Variants in BCL9L observed in about 807,000 individuals in gnomAD.
BCL9L encodes the protein B-cell CLL/lymphoma 9-like protein.
BCL9L carries 19 observed loss-of-function variants against 99.4 expected under a neutral mutation model. The ratio of observed to expected loss-of-function variants is 0.19; its 90% CI spans 0.13 to 0.28. The LOEUF (loss-of-function observed/expected upper bound fraction) is 0.28, where lower values mean the gene tolerates loss of function less well. Ranked by LOEUF, BCL9L falls within the 10% of genes least tolerant of loss-of-function variation. The pLI is 1.00. For synonymous variants in BCL9L, 900 were observed against 854.8 expected (o/e 1.05, Z -0.92); for missense variants, 2,023 against 2,101.6 (o/e 0.96, Z 0.73).
intron 5 of BCL9L, among the ~76,000 whole-genome samples, chr11:118,904,892 G>A (rs1042114090): frequency 2.0e-5 from 3 of 152,148 alleles, no homozygotes; most frequent in Admixed American, 6.5e-5. Flanking sequence ...AGAAATTTGC[G>A]GGGGAGCTTG....
chr11:118,899,527 AG>A lies in BCL9L; in HGVS notation c.3407-20del, dbSNP rs1338577859. On this transcript the variant is annotated intron_variant, in intron 9 of 9. Coordinates refer to ENST00000683865, the MANE Select transcript of BCL9L (RefSeq NM_001378213.1). ...CTGATCCCTGTAGGGAATAGAAGAC[AG>A]GGGGTCAGGCACGGTGTGCCCAGCT... 2.5e-6 allele frequency: 4 copies of A among 1,604,330 alleles called. No individual in the cohort carries two copies. In the East Asian group the frequency reaches 6.7e-5, roughly 27 times the overall value.
Position 118,902,871 on chromosome 11 carries a change from A to C in BCL9L, c.872T>G (p.Leu291Arg). Residue 291 changes from leucine to arginine, a missense_variant, in exon 8 of 10, where the codon CTG becomes CGG. By Grantham distance (102) the Leu-to-Arg change is moderately radical. Coordinates refer to ENST00000683865, the MANE Select transcript of BCL9L (RefSeq NM_001378213.1). The surrounding 1 kb of genome is among the most constrained non-coding windows in gnomAD (Gnocchi z 7.8). The stretch of plus-strand genomic sequence containing the variant: ...CGGGGTGCCTGCTGACGGCGTGCTC[A>C]GGGGTAGCGGTTCTGGGGTGGGGGG... ...KVPPTPEPLPLSTPSAGTPQS... is the reference protein window; with the variant it reads ...KVPPTPEPLPRSTPSAGTPQS... 6.4e-7 allele frequency: 1 copy of C among 1,556,844 alleles called. No homozygotes were observed.
At chr11:118,910,580 G>A (rs894465866) in intron 2 of BCL9L, 35 of 152,512 alleles carry the variant, frequency 2.3e-4, no homozygotes, top group Non-Finnish European at 4.8e-4. Context: ...CTCCCCGACC[G>A]CAAGAATGCA....
At chr11:118,899,824 A>C in intron 9 of BCL9L, 93 bp downstream of exon 9, 1 of 1,471,478 alleles carries the variant, frequency 6.8e-7, no homozygotes, top group East Asian at 2.5e-5. Flanking sequence ...GGGCCTTCAG[A>C]GGCACAAAAA....
In BCL9L at chr11:118,898,348, G is replaced by C; in HGVS notation, c.*67C>G. 1 of 1,367,996 alleles carries C rather than the reference G, an allele frequency of 7.3e-7. No individual in the cohort carries two copies. Among genetic ancestry groups the C allele is most frequent in the Non-Finnish European group, 9.7e-7 (1 of 1,028,648 alleles). 84.7% of individuals were successfully genotyped at this position (1,367,996 alleles called of 1,614,324 possible). A position where few individuals can be genotyped will look rare whatever the true frequency, so the allele number is the denominator to read the frequency against. ...GCGACCCAGGCCATCCCAACATTGA[G>C]GGGAAGAACTTTGTTAAGGTTATCG... On this transcript the variant is annotated 3_prime_UTR_variant, in exon 10 of 10. Coordinates refer to ENST00000683865, the MANE Select transcript of BCL9L (RefSeq NM_001378213.1).
At position 118,918,299 on chromosome 11, in the gene BCL9L, CTGTG is replaced by C. The variant is rs1019618572; in HGVS notation, c.-77+523_-77+526del. ...TGTGTGTGTGTCTGTGTCTGTGTGT[CTGTG>C]TGTGTACACGCACGCATGTGTACGC... On this transcript the variant is annotated intron_variant, in intron 2 of 9. Transcript: ENST00000683865. Among the ~76,000 whole-genome samples, 24 of 150,018 alleles carry C rather than the reference CTGTG, an allele frequency of 1.6e-4. 1 individual carries two copies. The highest frequency in any genetic ancestry group is 2.9e-5 in the Non-Finnish European group (2 of 67,908).
intron 2 of BCL9L, chr11:118,910,274 A>C: frequency 3.1e-6 from 1 of 319,092 alleles, no homozygotes; most frequent in Non-Finnish European, 6.1e-6. Context: ...GAATTCACTA[A>C]AAGGCTAGGT....
At position 118,921,050 on chromosome 11, in the gene BCL9L, C is replaced by T. The variant is rs1941123313; in HGVS notation, c.-130-2171G>A. On this transcript the variant is annotated intron_variant, in intron 1 of 9. Coordinates refer to ENST00000683865, the MANE Select transcript of BCL9L (RefSeq NM_001378213.1). This position sits in a 1 kb window ranked among gnomAD's most constrained non-coding sequence, Gnocchi z 5.4. Reference sequence around the variant, plus strand: ...TCTCCAGAGGTACCCCGGACACTTACAACACAGACACAACTCCCAAAGATG... The same window carrying T: ...TCTCCAGAGGTACCCCGGACACTTATAACACAGACACAACTCCCAAAGATG... 6.6e-6 allele frequency among the ~76,000 whole-genome samples: 1 copy of T among 152,158 alleles called. No individual in the cohort carries two copies. The highest frequency in any genetic ancestry group is 2.1e-4 in the South Asian group (1 of 4,822).
At chr11:118,919,062 G>T (rs1941061487) in intron 1 of BCL9L, among the ~76,000 whole-genome samples, 183 bp from the exon 2 acceptor site, 1 of 73,788 alleles carries the variant, frequency 1.4e-5, no homozygotes, top group Non-Finnish European at 2.6e-5. Flanking sequence ...CAGGACTTCT[G>T]TGGATTGGCT....
chr11:118,908,216 T>G, intron 4 of BCL9L, 54 bp downstream of exon 4: 1 of 1,508,880 alleles, frequency 6.6e-7, no homozygotes, highest in Non-Finnish European at 8.9e-7. Flanking sequence ...CCAGAACATC[T>G]GAGCCTTGGA....
chr11:118,900,093 G>A lies in BCL9L; in HGVS notation c.3230C>T (p.Pro1077Leu). Reference sequence around the variant, plus strand: ...TGACAGGGGGTTCTGGGAAGGTGTGGGGTCTGGGGAGGAAGTGAATGGTAG... The same window carrying A: ...TGACAGGGGGTTCTGGGAAGGTGTGAGGTCTGGGGAGGAAGTGAATGGTAG... Reference protein sequence around the residue: ...PSLPFTSSPDPTPSQNPLSLM... With the variant: ...PSLPFTSSPDLTPSQNPLSLM... Residue 1077 changes from proline (P) to leucine (L), a missense_variant, in exon 9 of 10, where the codon CCC becomes CTC. Transcript: ENST00000683865. The surrounding 1 kb of genome is among the most constrained non-coding windows in gnomAD (Gnocchi z 5.3). 6.2e-7 allele frequency: 1 copy of A among 1,614,018 alleles called. No homozygotes were observed. The highest frequency in any genetic ancestry group is 8.5e-7 in the Non-Finnish European group (1 of 1,179,978).
chr11:118,901,980 T>A lies in BCL9L; in HGVS notation c.1763A>T (p.Asp588Val), dbSNP rs1052880700. The change falls in exon 8 of 10, where the codon GAT becomes GTT. Residue 588 changes from aspartate (D) to valine (V), a missense_variant. By Grantham distance (152) the Asp-to-Val change is radical. Coordinates refer to ENST00000683865, the MANE Select transcript of BCL9L (RefSeq NM_001378213.1). The surrounding 1 kb of genome is among the most constrained non-coding windows in gnomAD (Gnocchi z 6.6). ...AQLRGPMDVQ[D>V]PMQLRGGPPF... ...AGGTCCGCCCCGGAGCTGCATGGGA[T>A]CTTGAACATCCATGGGCCCCCGCAG... 1.9e-6 allele frequency: 3 copies of A among 1,613,146 alleles called. No individual in the cohort carries two copies. Among genetic ancestry groups the A allele is most frequent in the Non-Finnish European group, 2.5e-6 (3 of 1,179,826 alleles).
rs1170290742 is a variant in BCL9L, at chr11:118,901,812, G to A, written c.1931C>T (p.Pro644Leu). The change falls in exon 8 of 10, where the codon CCC (proline) becomes CTC (leucine). Residue 644 changes from proline (P) to leucine (L), a missense_variant. By Grantham distance (98) the Pro-to-Leu change is moderately conservative. Coordinates refer to ENST00000683865, the MANE Select transcript of BCL9L (RefSeq NM_001378213.1). The surrounding 1 kb of genome is among the most constrained non-coding windows in gnomAD (Gnocchi z 6.6). Reference protein sequence around the residue: ...RPGMGWTEDLPPMGGPSNFAQ... With the variant: ...RPGMGWTEDLLPMGGPSNFAQ... Reference sequence around the variant, plus strand: ...AAAATTGCTGGGTCCCCCCATAGGGGGCAAGTCTTCGGTCCAGCCCATGCC... The same window carrying A: ...AAAATTGCTGGGTCCCCCCATAGGGAGCAAGTCTTCGGTCCAGCCCATGCC... 6 of 1,610,294 alleles carry A rather than the reference G, an allele frequency of 3.7e-6. No individual in the cohort carries two copies. In the East Asian group the frequency reaches 8.9e-5, roughly 24 times the overall value.
In BCL9L at chr11:118,903,126, C is replaced by A; in HGVS notation, c.750-52G>T. The A allele has an allele frequency of 6.5e-7, 1 of 1,544,494 alleles. No homozygotes were observed. Among genetic ancestry groups the A allele is most frequent in the Non-Finnish European group, 8.7e-7 (1 of 1,146,682 alleles). ...TCAGAGAGGTGAGCAGGAGGGAGCC[C>A]CACCCTCACCCACCCCACCCTGCCC... On this transcript the variant is annotated intron_variant, in intron 6 of 9. Coordinates refer to ENST00000683865, the MANE Select transcript of BCL9L (RefSeq NM_001378213.1). The surrounding 1 kb of genome is among the most constrained non-coding windows in gnomAD (Gnocchi z 5.6).
Position 118,898,371 on chromosome 11 carries a change from T to C in BCL9L, c.*44A>G. On this transcript the variant is annotated 3_prime_UTR_variant, in exon 10 of 10. Coordinates refer to ENST00000683865, the MANE Select transcript of BCL9L (RefSeq NM_001378213.1). ...GAGGGGAAGAACTTTGTTAAGGTTA[T>C]CGTATTTGCAACATTGCCCCGGCTC... 6.4e-7 allele frequency: 1 copy of C among 1,551,254 alleles called. No homozygotes were observed. The highest frequency in any genetic ancestry group is 8.7e-7 in the Non-Finnish European group (1 of 1,143,976).
chr11:118,902,032 G>C lies in BCL9L; in HGVS notation c.1711C>G (p.Gln571Glu). The C allele has an allele frequency of 6.2e-7, 1 of 1,613,960 alleles. No homozygotes were observed. The highest frequency in any genetic ancestry group is 1.1e-5 in the South Asian group (1 of 91,084). The change falls in exon 8 of 10, where the codon CAG (glutamine) becomes GAG (glutamate). Residue 571 changes from glutamine (Q) to glutamate (E), a missense_variant. Around this residue, in one of 3 missense-constraint regions of BCL9L, gnomAD observed 1,116 missense variants for 1,194.6 expected, o/e 0.93. Transcript: ENST00000683865. This position sits in a 1 kb window ranked among gnomAD's most constrained non-coding sequence, Gnocchi z 7.8. ...PPPYHSKPGD[Q>E]WPPGMGAQLR... is the part of the protein sequence containing the mutation. ...TGCGCACCCATTCCAGGTGGCCACT[G>C]ATCCCCAGGCTTGCTGTGGTAAGGA... is the stretch of plus-strand genomic sequence containing the variant.
chr11:118,898,294 G>GCCCCCCCACCCCCCCCCCCCCCCCCC lies in BCL9L; in HGVS notation c.*120_*121insGGGGGGGGGGGGGGGGGGTGGGGGGG. ...TCCACAAATGCCACTCCCTACACAA[G>GCCCCCCCACCCCCCCCCCCCCCCCCC]CCCCCTCCCACCCCCTCCACCCCAC... is the stretch of plus-strand genomic sequence containing the variant. On this transcript the variant is annotated 3_prime_UTR_variant, in exon 10 of 10. Coordinates refer to ENST00000683865, the MANE Select transcript of BCL9L (RefSeq NM_001378213.1). 2.2e-6 allele frequency: 1 copy of GCCCCCCCACCCCCCCCCCCCCCCCCC among 452,312 alleles called. No homozygotes were observed. The highest frequency in any genetic ancestry group is 3.5e-5 in the Admixed American group (1 of 28,250). 28.0% of individuals were successfully genotyped at this position (452,312 alleles called of 1,614,324 possible).
chr11:118,901,360 G>A lies in BCL9L; in HGVS notation c.2383C>T (p.Leu795=). ...GGGCCCCGCATCTTCTGCGACATCA[G>A]CATCTGCTGCTGCGGGGTCATCTGC... is the stretch of plus-strand genomic sequence containing the variant. The part of the protein sequence containing the change: ...NVQMTPQQQM[L]MSQKMRGPGD... Residue 795 remains leucine, a synonymous_variant, in exon 8 of 10, where the codon CTG becomes TTG. Coordinates refer to ENST00000683865, the MANE Select transcript of BCL9L (RefSeq NM_001378213.1). This position sits in a 1 kb window ranked among gnomAD's most constrained non-coding sequence, Gnocchi z 6.6. The A allele has an allele frequency of 6.2e-7, 1 of 1,613,786 alleles. No individual in the cohort carries two copies. Among genetic ancestry groups the A allele is most frequent in the Non-Finnish European group, 8.5e-7 (1 of 1,179,970 alleles).
intron 3 of BCL9L, 128 bp downstream of exon 3, chr11:118,909,786 T>G: frequency 6.8e-7 from 1 of 1,473,548 alleles, no homozygotes. Context: ...AGCCCACTGG[T>G]GGCCTGGGAG....
Sources: allele counts gnomAD v4.1 joint callset (sites outside exome capture counted in the v4.1 genomes callset), GRCh38; gene constraint gnomAD v4.1.1; regional missense constraint gnomAD v4.1.1; non-coding constraint Gnocchi (gnomAD v3.1); transcripts MANE v1.5; gene names NCBI Gene and HGNC (gene_info 2026-07-23, HGNC 2026-07-21).